Variants in NEBL observed in about 807,000 individuals in gnomAD.
NEBL encodes the protein nebulette, also known as LIM and SH3 protein 2.
A neutral mutation model predicts 140.2 loss-of-function variants in NEBL; 122 were observed. The observed-to-expected ratio is 0.87, with a 90% CI of 0.75 to 1.01. The LOEUF is 1.01. NEBL is among the 50% of genes least tolerant of loss of function. The pLI, the probability that NEBL is intolerant of heterozygous loss-of-function variation, is 0.00. For missense variants in NEBL, 1,365 were observed against 1,231.3 expected (o/e 1.11, Z -1.62); for synonymous variants, 436 against 398.9 (o/e 1.09, Z -1.11).
intron 26 of NEBL, among the ~76,000 whole-genome samples, chr10:20,793,159 G>A (rs1255735507): frequency 3.3e-5 from 5 of 152,090 alleles, no homozygotes; most frequent in Non-Finnish European, 7.4e-5. Context: ...GGGAAGTGCC[G>A]AAGAAACAGG....
intron 2 of NEBL, among the ~76,000 whole-genome samples, chr10:21,062,639 A>T (rs1195649483): frequency 5.9e-5 from 9 of 152,118 alleles, no homozygotes; most frequent in Non-Finnish European, 1.2e-4. Flanking sequence ...GTGAACCATG[A>T]TTGCACCACT....
chr10:20,950,976 A>G (rs1013195301), intron 4 of NEBL, among the ~76,000 whole-genome samples: 3 of 152,172 alleles, frequency 2.0e-5, no homozygotes, highest in Non-Finnish European at 4.4e-5. Flanking sequence ...AAATGGTTAA[A>G]TATTCCTTTG....
At chr10:20,890,923 G>T (rs191850358) in intron 2 of NEBL, among the ~76,000 whole-genome samples, 1 of 152,194 alleles carries the variant, frequency 6.6e-6, no homozygotes, top group African/African-American at 2.4e-5. Flanking sequence ...TAATATGCTC[G>T]TGTTTATCCT....
At chr10:20,903,706 T>A (rs186732278) in intron 4 of NEBL, among the ~76,000 whole-genome samples, 1 of 151,926 alleles carries the variant, frequency 6.6e-6, no homozygotes, top group East Asian at 1.9e-4. Flanking sequence ...CAAAATAACG[T>A]ATTTTGTAGC....
intron 2 of NEBL, among the ~76,000 whole-genome samples, chr10:21,092,218 C>T (rs1045037205): frequency 3.3e-5 from 5 of 152,276 alleles, no homozygotes; most frequent in South Asian, 2.1e-4. Flanking sequence ...ACATGTTCTA[C>T]GGGTGTGCCA....
chr10:20,853,599 C>T (rs1257039022), intron 9 of NEBL, among the ~76,000 whole-genome samples: 1 of 152,052 alleles, frequency 6.6e-6, no homozygotes, highest in African/African-American at 2.4e-5. Context: ...TATGTGGGAG[C>T]TAAAATAGTG....
intron 3 of NEBL, among the ~76,000 whole-genome samples, chr10:21,188,709 T>C (rs1841521081): frequency 6.6e-6 from 1 of 151,794 alleles, no homozygotes; most frequent in South Asian, 2.1e-4. Flanking sequence ...CCAGCAATTT[T>C]CCTGCCTCAG....
intron 1 of NEBL, among the ~76,000 whole-genome samples, chr10:21,269,592 C>A (rs1185877748): frequency 6.6e-6 from 1 of 152,178 alleles, no homozygotes; most frequent in African/African-American, 2.4e-5. Context: ...AAAGGCTACA[C>A]CCTCTTTCAT....
intron 3 of NEBL, among the ~76,000 whole-genome samples, chr10:21,234,570 TC>T (rs1359244973): frequency 6.6e-6 from 1 of 152,120 alleles, no homozygotes; most frequent in Non-Finnish European, 1.5e-5. Flanking sequence ...TCTCAGGTGT[TC>T]CTTTAGAGCA....
At chr10:20,857,001 G>C (rs888998152) in intron 9 of NEBL, among the ~76,000 whole-genome samples, 3 of 151,924 alleles carry the variant, frequency 2.0e-5, no homozygotes, top group African/African-American at 7.3e-5. Flanking sequence ...GCTAATTTTT[G>C]TATTTTTAGT....
intron 4 of NEBL, among the ~76,000 whole-genome samples, chr10:20,954,599 GA>G (rs1290258920): frequency 1.3e-5 from 2 of 152,196 alleles, no homozygotes; most frequent in African/African-American, 4.8e-5. Flanking sequence ...GTGAAAGGAA[GA>G]AAAGGGGGAA....
At chr10:21,069,336 C>T (rs1835709958) in intron 2 of NEBL, among the ~76,000 whole-genome samples, 1 of 152,218 alleles carries the variant, frequency 6.6e-6, no homozygotes, top group African/African-American at 2.4e-5. Context: ...GGCAGGCACA[C>T]AATTCTTCCT....
At chr10:21,063,964 A>C (rs1835416446) in intron 2 of NEBL, among the ~76,000 whole-genome samples, 1 of 151,646 alleles carries the variant, frequency 6.6e-6, no homozygotes, top group African/African-American at 2.4e-5. Flanking sequence ...CCTAGCTACC[A>C]GGAAGGCTGA....
intron 23 of NEBL, chr10:20,813,712 G>A (rs563734877): frequency 3.0e-4 from 160 of 529,006 alleles, no homozygotes; most frequent in Non-Finnish European, 5.0e-4. Context: ...CAGTAGTCAC[G>A]TTAGAAATAA....
chr10:20,806,735 G>C (rs1203034196), intron 26 of NEBL, among the ~76,000 whole-genome samples: 1 of 152,170 alleles, frequency 6.6e-6, no homozygotes, highest in Non-Finnish European at 1.5e-5. Context: ...TAAGCTCTTG[G>C]CCAGTGCACA....
At chr10:21,185,487 C>CTTTT (rs10612676) in intron 3 of NEBL, among the ~76,000 whole-genome samples, 5 of 72,050 alleles carry the variant, frequency 6.9e-5, no homozygotes, top group South Asian at 6.0e-4. Context: ...ATTTTCTTTC[C>CTTTT]TTTTTTTTTT....
At chr10:21,047,011 T>C (rs1278778671) in intron 2 of NEBL, among the ~76,000 whole-genome samples, 1 of 152,206 alleles carries the variant, frequency 6.6e-6, no homozygotes, top group Admixed American at 6.5e-5. Context: ...TAGACCATGG[T>C]CTCTTATAGT....
intron 26 of NEBL, among the ~76,000 whole-genome samples, chr10:20,791,236 A>T (rs1206426406): frequency 6.6e-6 from 1 of 152,208 alleles, no homozygotes; most frequent in Non-Finnish European, 1.5e-5. Flanking sequence ...CATTTATAAC[A>T]TCAAAATGTC....
chr10:21,138,021 C>A (rs1005701485), intron 2 of NEBL, among the ~76,000 whole-genome samples: 5 of 151,512 alleles, frequency 3.3e-5, no homozygotes, highest in Non-Finnish European at 5.9e-5. Context: ...CAGCATGCTG[C>A]GAATGGTGGG....
Sources: gnomAD v4.1 joint callset for allele counts (sites outside exome capture counted in the v4.1 genomes callset) on GRCh38, gnomAD v4.1.1 for gene constraint, MANE v1.5 for transcripts, NCBI Gene and HGNC (gene_info 2026-07-23, HGNC 2026-07-21) for gene names.